The following TUSC3 variants were observed in gnomAD, a reference collection of about 807,000 sequenced individuals.
TUSC3 encodes tumor suppressor candidate 3.
TUSC3 carries 45 observed loss-of-function variants against 44.8 expected under a neutral mutation model. That is an observed-to-expected ratio of 1.00 (90% CI 0.79 to 1.29). The LOEUF (loss-of-function observed/expected upper bound fraction) is 1.29, where lower values mean the gene tolerates loss of function less well. Among genes scored for constraint, TUSC3 ranks in the 50% most tolerant of loss-of-function variants. The probability of loss-of-function intolerance (pLI) is 0.00; values close to 1 mark genes in which losing one functional copy is unlikely to be tolerated. For synonymous variants in TUSC3, 212 were observed against 152.9 expected, an observed-to-expected ratio of 1.39 and a Z score of -2.85; for missense variants, 519 against 437.9, an observed-to-expected ratio of 1.19 and a Z score of -1.65.
chr8:15,631,070 T>C (rs1805740918), intron 2 of TUSC3, among the ~76,000 whole-genome samples: 1 of 152,244 alleles, frequency 6.6e-6, no homozygotes, highest in African/African-American at 2.4e-5. Flanking sequence ...CTTGGCTACC[T>C]GAACAAGGTA....
chr8:15,454,250 G>A (rs767744660), intron 1 of TUSC3, among the ~76,000 whole-genome samples: 1 of 152,122 alleles, frequency 6.6e-6, no homozygotes, highest in Non-Finnish European at 1.5e-5. Context: ...CCTCTTCCAA[G>A]TGTACTTTAC....
chr8:15,480,556 A>C (rs1442135616), intron 1 of TUSC3, among the ~76,000 whole-genome samples: 1 of 152,242 alleles, frequency 6.6e-6, no homozygotes, highest in African/African-American at 2.4e-5. Flanking sequence ...ATTCTTTCTT[A>C]ATTTGTGATT....
the TUSC3 span, among the ~76,000 whole-genome samples, chr8:15,833,113 C>T: frequency 6.6e-6 from 1 of 152,062 alleles, no homozygotes; most frequent in Admixed American, 6.6e-5. Context: ...AGTAAAAGCT[C>T]AACATCACTG....
intron 6 of TUSC3, among the ~76,000 whole-genome samples, chr8:15,674,835 A>G (rs1382328994): frequency 2.0e-5 from 3 of 152,094 alleles, no homozygotes; most frequent in South Asian, 2.1e-4. Flanking sequence ...AAAGTCTTCA[A>G]TATTCAAAAT....
intron 6 of TUSC3, among the ~76,000 whole-genome samples, chr8:15,711,640 T>G (rs770805229): frequency 1.3e-5 from 2 of 151,768 alleles, no homozygotes; most frequent in Non-Finnish European, 2.9e-5. Flanking sequence ...TTGCACTGTG[T>G]AGGCATGGTT....
At chr8:15,647,960 C>G (rs1471253787) in intron 2 of TUSC3, among the ~76,000 whole-genome samples, 1 of 152,120 alleles carries the variant, frequency 6.6e-6, no homozygotes, top group African/African-American at 2.4e-5. Flanking sequence ...TTTGATATAT[C>G]CCAGTATCTC....
intron 2 of TUSC3, among the ~76,000 whole-genome samples, chr8:15,643,110 G>A (rs1018922810): frequency 3.9e-5 from 6 of 152,066 alleles, no homozygotes; most frequent in East Asian, 3.9e-4. Flanking sequence ...GGGCTTTTCC[G>A]CCTTTGCTTG....
At chr8:15,687,265 T>C (rs983477590) in intron 6 of TUSC3, among the ~76,000 whole-genome samples, 8 of 152,150 alleles carry the variant, frequency 5.3e-5, no homozygotes, top group African/African-American at 1.9e-4. Flanking sequence ...ATCATGCAGC[T>C]CATCATCTAG....
the TUSC3 span, among the ~76,000 whole-genome samples, chr8:15,778,866 C>T: frequency 6.6e-6 from 1 of 152,122 alleles, no homozygotes; most frequent in African/African-American, 2.4e-5. Context: ...GAGTTAGATA[C>T]AGAACAATGA....
the TUSC3 span, among the ~76,000 whole-genome samples, chr8:15,774,427 A>G: frequency 3.3e-5 from 5 of 152,140 alleles, no homozygotes; most frequent in African/African-American, 9.7e-5. Context: ...AGAAAACCAT[A>G]TAAAGATGGA....
rs543943665 is a variant in TUSC3 at position 15,726,844 on chromosome 8, TAGA to T, written c.799-3821_799-3819del. Among the ~76,000 whole-genome samples the T allele has an allele frequency of 2.1e-3, 325 of 152,210 alleles. 3 individuals carry two copies. Among genetic ancestry groups the T allele is most frequent in the African/African-American group, 7.3e-3 (303 of 41,554 alleles). On this transcript the variant is annotated intron_variant, in intron 6 of 10. Coordinates refer to ENST00000503731, the MANE Select transcript of TUSC3 (RefSeq NM_006765.4). Reference sequence around the variant, plus strand: ...AAAAGAAAAGAAATATTCAATGGATTAGACAACTAAAAAACATTTATATTAATG... The same window carrying T: ...AAAAGAAAAGAAATATTCAATGGATTCAACTAAAAAACATTTATATTAATG...
intron 6 of TUSC3, among the ~76,000 whole-genome samples, chr8:15,699,846 AG>A (rs1809321659): frequency 6.6e-6 from 1 of 152,182 alleles, no homozygotes; most frequent in Admixed American, 6.5e-5. Flanking sequence ...CTTTTGACCA[AG>A]TGATTATCCT....
At chr8:15,454,313 A>G (rs1800229451) in intron 1 of TUSC3, among the ~76,000 whole-genome samples, 1 of 152,122 alleles carries the variant, frequency 6.6e-6, no homozygotes, top group African/African-American at 2.4e-5. Flanking sequence ...TCCTACTGTA[A>G]AACCTGCCCT....
the TUSC3 span, among the ~76,000 whole-genome samples, chr8:15,849,275 G>C: frequency 6.6e-6 from 1 of 152,052 alleles, no homozygotes; most frequent in East Asian, 1.9e-4. Flanking sequence ...ATATTTAGAG[G>C]TAGTGATATT....
At chr8:15,544,101 T>G (rs1435640460) in intron 1 of TUSC3, among the ~76,000 whole-genome samples, 1 of 152,168 alleles carries the variant, frequency 6.6e-6, no homozygotes. Flanking sequence ...TTTTCTTAAT[T>G]ACATTGAATA....
chr8:15,838,833 A>G, the TUSC3 span, among the ~76,000 whole-genome samples: 4 of 152,076 alleles, frequency 2.6e-5, no homozygotes, highest in East Asian at 1.9e-4. Context: ...TTGTCTTGGC[A>G]ATGCAGGCTC....
At chr8:15,435,485 A>G (rs1799934181) in intron 1 of TUSC3, among the ~76,000 whole-genome samples, 1 of 152,220 alleles carries the variant, frequency 6.6e-6, no homozygotes, top group African/African-American at 2.4e-5. Flanking sequence ...AATAACATTG[A>G]TGATGCATGC....
intron 1 of TUSC3, among the ~76,000 whole-genome samples, chr8:15,597,453 C>G (rs879489877): frequency 2.0e-5 from 3 of 152,056 alleles, no homozygotes; most frequent in Non-Finnish European, 2.9e-5. Context: ...TTATTGAGAA[C>G]ATTGATGTAT....
At chr8:15,518,028 C>G (rs997384782) in intron 2 of TUSC3, among the ~76,000 whole-genome samples, 1 of 151,978 alleles carries the variant, frequency 6.6e-6, no homozygotes, top group Non-Finnish European at 1.5e-5. Flanking sequence ...CTACCTCCTC[C>G]TTACCCCTTT....
Sources: gnomAD v4.1 joint callset for allele counts (sites outside exome capture counted in the v4.1 genomes callset) on GRCh38, gnomAD v4.1.1 for gene constraint, MANE v1.5 for transcripts, NCBI Gene and HGNC (gene_info 2026-07-23, HGNC 2026-07-21) for gene names.